NCAPG: variants seen among roughly 807,000 people sequenced by gnomAD.
NCAPG encodes the protein non-SMC condensin I complex subunit G.
NCAPG carries 69 observed loss-of-function variants against 113.1 expected under a neutral mutation model. That is an observed-to-expected ratio of 0.61 (90% CI 0.50 to 0.75). The LOEUF (loss-of-function observed/expected upper bound fraction) is 0.75, where lower values mean the gene tolerates loss of function less well. Ranked by LOEUF, NCAPG falls within the 30% of genes least tolerant of loss-of-function variation. The probability of loss-of-function intolerance (pLI) is 0.00; values close to 1 mark genes in which losing one functional copy is unlikely to be tolerated. For missense variants in NCAPG, 1,058 were observed against 1,177.0 expected, an observed-to-expected ratio of 0.90 and a Z score of 1.48; for synonymous variants, 370 against 415.8, an observed-to-expected ratio of 0.89 and a Z score of 1.34.
intron 19 of NCAPG, 58 bp from the exon 20 acceptor site, chr4:17,842,252 A>C: frequency 1.4e-6 from 2 of 1,476,436 alleles, no homozygotes; most frequent in Non-Finnish European, 1.9e-6. Context: ...TAGAAACTAG[A>C]TTAAAAACAA....
In NCAPG at chr4:17,810,985, G is replaced by A; in HGVS notation, c.-93G>A. 1 of 660,446 alleles carries A rather than the reference G, an allele frequency of 1.5e-6. No homozygotes were observed. Among genetic ancestry groups the A allele is most frequent in the Non-Finnish European group, 2.5e-6 (1 of 406,522 alleles). 40.9% of individuals were successfully genotyped at this position (660,446 alleles called of 1,614,324 possible). A position where few individuals can be genotyped will look rare whatever the true frequency, so the allele number is the denominator to read the frequency against. On this transcript the variant is annotated 5_prime_UTR_variant, in exon 1 of 21. Coordinates refer to ENST00000251496, the MANE Select transcript of NCAPG (RefSeq NM_022346.5). ...GTAAATACTCCCTGGGGCTGTCATA[G>A]AAGACTACTCGGAGAGCGCTGCCTC...
At chr4:17,830,346 T>G (rs551935905) in intron 12 of NCAPG, among the ~76,000 whole-genome samples, 1 of 151,778 alleles carries the variant, frequency 6.6e-6, no homozygotes, top group East Asian at 1.9e-4. Flanking sequence ...TGAGCCGAGA[T>G]TGCGCCACTG....
At chr4:17,825,148 C>A (rs1288162034) in intron 10 of NCAPG, 91 bp downstream of exon 10, 3 of 940,044 alleles carry the variant, frequency 3.2e-6, no homozygotes, top group African/African-American at 1.7e-5. Flanking sequence ...TGAAATGTTT[C>A]TCACATAATC....
At position 17,843,528 on chromosome 4, in the gene NCAPG, T is replaced by G; in HGVS notation, c.*103T>G. 1 of 1,362,090 alleles carries G rather than the reference T, an allele frequency of 7.3e-7. No homozygotes were observed. Among genetic ancestry groups the G allele is most frequent in the Non-Finnish European group, 1.0e-6 (1 of 988,226 alleles). 84.4% of individuals were successfully genotyped at this position (1,362,090 alleles called of 1,614,324 possible). A position where few individuals can be genotyped will look rare whatever the true frequency, so the allele number is the denominator to read the frequency against. The stretch of plus-strand genomic sequence containing the variant: ...AATCAGAACAAACCTGATGTCTTTC[T>G]GAAGATTTTCTGCTGTGCGCTTCCA... On this transcript the variant is annotated 3_prime_UTR_variant, in exon 21 of 21. Transcript: ENST00000251496.
rs764268168 is a variant in NCAPG at position 17,811,156 on chromosome 4, C to A, written c.79C>A (p.Leu27Met). The A allele has an allele frequency of 1.3e-6, 2 of 1,515,814 alleles. No homozygotes were observed. Among genetic ancestry groups the A allele is most frequent in the Admixed American group, 4.2e-5 (2 of 47,342 alleles). 93.9% of individuals were successfully genotyped at this position (1,515,814 alleles called of 1,614,324 possible). The change falls in exon 1 of 21, where the codon CTG (leucine) becomes ATG (methionine). Residue 27 changes from leucine (L) to methionine (M), a missense_variant. Transcript: ENST00000251496. This position sits in a 1 kb window ranked among gnomAD's most constrained non-coding sequence, Gnocchi z 5.3. ...AQQPHQNQAKLVVALSRTYRT... is the reference protein window; with the variant it reads ...AQQPHQNQAKMVVALSRTYRT... The stretch of plus-strand genomic sequence containing the variant: ...GCAGCCGCACCAGAACCAGGCGAAG[C>A]TGGTGGTGGCGCTGAGCCGCACCTA...
chr4:17,823,827 G>A, intron 9 of NCAPG, 57 bp downstream of exon 9: 1 of 1,405,286 alleles, frequency 7.1e-7, no homozygotes, highest in Non-Finnish European at 9.8e-7. Flanking sequence ...ATTGAATACT[G>A]TCTTATTTTC....
In NCAPG at chr4:17,837,808, G is replaced by A; in HGVS notation, c.2466+7G>A. ...GACTTCCCAAGATTATCAGGTGAGT[G>A]ACTGTGGTAACTGCATGCAGATCAC... On this transcript the variant is annotated splice_region_variant and intron_variant, in intron 16 of 20. Transcript: ENST00000251496. 1.2e-6 allele frequency: 2 copies of A among 1,613,574 alleles called. No individual in the cohort carries two copies. Among genetic ancestry groups the A allele is most frequent in the Non-Finnish European group, 8.5e-7 (1 of 1,179,710 alleles).
Position 17,812,291 on chromosome 4 carries a change from G to A in NCAPG, c.182G>A (p.Arg61His), listed in dbSNP as rs1337516624. The stretch of plus-strand genomic sequence containing the variant: ...AAATATGTTATGGTGGTCTATAAAC[G>A]TGAACCAGCTGTGGAGAGGGTAATA... ...YLKYVMVVYKREPAVERVIEF... is the reference protein window; with the variant it reads ...YLKYVMVVYKHEPAVERVIEF... The change falls in exon 2 of 21, where the codon CGT becomes CAT. Residue 61 changes from arginine (R) to histidine (H), a missense_variant. Transcript: ENST00000251496. 3 of 1,613,658 alleles carry A rather than the reference G, an allele frequency of 1.9e-6. No individual in the cohort carries two copies. Among genetic ancestry groups the A allele is most frequent in the African/African-American group, 1.3e-5 (1 of 75,020 alleles).
chr4:17,820,082 A>T (rs1721390321), intron 7 of NCAPG, among the ~76,000 whole-genome samples: 2 of 152,278 alleles, frequency 1.3e-5, no homozygotes, highest in South Asian at 2.1e-4. Flanking sequence ...AATATAAAAG[A>T]TGTTTATAGA....
At chr4:17,836,642 T>C (rs1217093810) in intron 14 of NCAPG, among the ~76,000 whole-genome samples, 1 of 152,222 alleles carries the variant, frequency 6.6e-6, no homozygotes, top group Admixed American at 6.5e-5. Flanking sequence ...TTGTTTTGCC[T>C]GTGTACATCC....
intron 20 of NCAPG, 126 bp downstream of exon 20, chr4:17,842,505 C>A: frequency 1.3e-6 from 1 of 752,126 alleles, no homozygotes; most frequent in Non-Finnish European, 2.2e-6. Flanking sequence ...CTATAAATAG[C>A]TGTCTTAGGT....
intron 9 of NCAPG, 78 bp from the exon 10 acceptor site, chr4:17,824,876 ATGGTGGATACTACT>A: frequency 1.3e-6 from 1 of 794,098 alleles, no homozygotes; most frequent in Non-Finnish European, 2.0e-6. Flanking sequence ...TATTCAATAT[ATGGTGGATACTACT>A]TGGAGTTTTA....
chr4:17,832,547 T>TG (rs1261754037), intron 13 of NCAPG, among the ~76,000 whole-genome samples: 1 of 152,114 alleles, frequency 6.6e-6, no homozygotes, highest in Non-Finnish European at 1.5e-5. Context: ...CATGATAAGT[T>TG]TACAGTTTAA....
chr4:17,825,314 T>G lies in NCAPG; in HGVS notation c.1474-68T>G. The G allele has an allele frequency of 6.0e-6, 8 of 1,342,736 alleles. No homozygotes were observed. The South Asian group carries it at 8.8e-5, about 15-fold the overall frequency. The allele number at this position is 1,342,736 out of a possible 1,614,324, so 83.2% of individuals were successfully genotyped here. A position where few individuals can be genotyped will look rare whatever the true frequency, so the allele number is the denominator to read the frequency against. ...CAGTTGAGATATTAAATAATACTCC[T>G]GAGTTGCTACAGATATTCATATTAA... On this transcript the variant is annotated intron_variant, in intron 10 of 20. Coordinates refer to ENST00000251496, the MANE Select transcript of NCAPG (RefSeq NM_022346.5).
rs1198656621 is a variant in NCAPG at position 17,840,499 on chromosome 4, TAGA to T, written c.2768-105_2768-103del. ...TGATTTATAACTTTTCACTAGCTGC[TAGA>T]AGGACTTTGTCATTTCAGTTTTATA... On this transcript the variant is annotated intron_variant, in intron 18 of 20. Coordinates refer to ENST00000251496, the MANE Select transcript of NCAPG (RefSeq NM_022346.5). 5.9e-6 allele frequency: 4 copies of T among 677,004 alleles called. No homozygotes were observed. The Admixed American group carries it at 1.2e-4, about 21-fold the overall frequency. The allele number at this position is 677,004 out of a possible 1,614,324, so 41.9% of individuals were successfully genotyped here.
At chr4:17,837,509 T>C in intron 15 of NCAPG, 118 bp from the exon 16 acceptor site, 1 of 1,340,448 alleles carries the variant, frequency 7.5e-7, no homozygotes, top group Non-Finnish European at 1.0e-6. Flanking sequence ...TTTTTGGCTC[T>C]TTCCTAGATG....
At chr4:17,833,148 GATC>G (rs751759915) in intron 13 of NCAPG, among the ~76,000 whole-genome samples, 14 of 152,044 alleles carry the variant, frequency 9.2e-5, no homozygotes, top group Non-Finnish European at 1.5e-4. Context: ...GAGGCAGGTT[GATC>G]ATGAGATCAG....
chr4:17,823,882 C>G, intron 9 of NCAPG, 112 bp downstream of exon 9: 1 of 839,972 alleles, frequency 1.2e-6, no homozygotes, highest in Non-Finnish European at 1.8e-6. Flanking sequence ...AGGTTCGTCT[C>G]TTTAATGAGT....
Position 17,844,612 on chromosome 4 carries a change from T to G in NCAPG, c.*1187T>G, listed in dbSNP as rs1009499593. 5.2e-5 allele frequency: 8 copies of G among 152,450 alleles called. No homozygotes were observed. The highest frequency in any genetic ancestry group is 1.9e-4 in the African/African-American group (8 of 41,442). The allele number at this position is 152,450 out of a possible 1,614,324, so 9.4% of individuals were successfully genotyped here. A position where few individuals can be genotyped will look rare whatever the true frequency, so the allele number is the denominator to read the frequency against. ...ATAGATGATTGTTCTTCATTCTGTTTGTTGGCTCTGTGTTCTCCTGTGCTT... is the reference window on the plus strand; with the variant it reads ...ATAGATGATTGTTCTTCATTCTGTTGGTTGGCTCTGTGTTCTCCTGTGCTT... On this transcript the variant is annotated 3_prime_UTR_variant, in exon 21 of 21. Transcript: ENST00000251496.
Sources: allele counts gnomAD v4.1 joint callset (sites outside exome capture counted in the v4.1 genomes callset), GRCh38; gene constraint gnomAD v4.1.1; non-coding constraint Gnocchi (gnomAD v3.1); transcripts MANE v1.5; gene names NCBI Gene and HGNC (gene_info 2026-07-23, HGNC 2026-07-21).